PLLP: variants seen among roughly 807,000 people sequenced by gnomAD.
PLLP encodes plasma membrane proteolipid (plasmolipin).
PLLP carries 15 observed loss-of-function variants against 19.7 expected under a neutral mutation model. The observed-to-expected ratio is 0.76, with a 90% CI of 0.51 to 1.17. PLLP has a LOEUF of 1.17. Ranked by LOEUF, PLLP falls within the 50% of genes most tolerant of loss-of-function variation. PLLP has a pLI of 0.00. For missense variants in PLLP, 255 were observed against 258.3 expected, an observed-to-expected ratio of 0.99 and a Z score of 0.09; for synonymous variants, 111 against 116.3, an observed-to-expected ratio of 0.95 and a Z score of 0.29.
intron 1 of PLLP, among the ~76,000 whole-genome samples, chr16:57,270,855 A>C (rs1324398558): frequency 6.6e-6 from 1 of 152,220 alleles, no homozygotes; most frequent in African/African-American, 2.4e-5. Flanking sequence ...AGTACTGAAT[A>C]GCCCTAAGCT....
At position 57,279,618 on chromosome 16, in the gene PLLP, T is replaced by A. The variant is rs564484566; in HGVS notation, c.135+4788A>T. Reference sequence around the variant, plus strand: ...TGAGCCTGGGAGGTTGAGGTTGCAGTGAGCTGTGATCACACTACTATAGTC... The same window carrying A: ...TGAGCCTGGGAGGTTGAGGTTGCAGAGAGCTGTGATCACACTACTATAGTC... On this transcript the variant is annotated intron_variant, in intron 1 of 3. Transcript: ENST00000219207. Among the ~76,000 whole-genome samples, 4 of 151,300 alleles carry A rather than the reference T, an allele frequency of 2.6e-5. No individual in the cohort carries two copies. The South Asian group carries it at 6.3e-4, about 24-fold the overall frequency.
At chr16:57,282,834 C>T (rs1901235605) in intron 1 of PLLP, among the ~76,000 whole-genome samples, 1 of 152,176 alleles carries the variant, frequency 6.6e-6, no homozygotes, top group African/African-American at 2.4e-5. Flanking sequence ...TCAGTGAAGT[C>T]TCTGCTCAAA....
intron 3 of PLLP, 34 bp from the exon 4 acceptor site, chr16:57,257,063 G>A (rs1359062990): frequency 5.5e-6 from 8 of 1,460,870 alleles, no homozygotes; most frequent in Middle Eastern, 3.5e-4. Context: ...TAAGGACCGA[G>A]AGGGTGACAG....
At chr16:57,259,691 T>G (rs1484862358) in intron 2 of PLLP, among the ~76,000 whole-genome samples, 2 of 152,192 alleles carry the variant, frequency 1.3e-5, no homozygotes, top group African/African-American at 2.4e-5. Flanking sequence ...TAAAAAAATC[T>G]TGGCCGGGTG....
Position 57,257,060 on chromosome 16 carries a change from C to T in PLLP, c.433-31G>A, listed in dbSNP as rs11860306. ...AGAGAGGTGAGAAGGGCTTAAGGAC[C>T]GAGAGGGTGACAGTGACACAAGCTC... On this transcript the variant is annotated intron_variant, in intron 3 of 3. Transcript: ENST00000219207. 4,107 of 1,489,462 alleles carry T rather than the reference C, an allele frequency of 2.8e-3. 89 individuals are homozygous for T. In the African/African-American group the frequency reaches 0.036, roughly 13 times the overall value. 92.3% of individuals were successfully genotyped at this position (1,489,462 alleles called of 1,614,324 possible). A position where few individuals can be genotyped will look rare whatever the true frequency, so the allele number is the denominator to read the frequency against.
chr16:57,284,645 T>G lies in PLLP; in HGVS notation c.-105A>C, dbSNP rs1212305982. The G allele has an allele frequency of 8.8e-7, 1 of 1,133,536 alleles. No individual in the cohort carries two copies. Among genetic ancestry groups the G allele is most frequent in the Non-Finnish European group, 1.1e-6 (1 of 889,418 alleles). The allele number at this position is 1,133,536 out of a possible 1,614,324, so 70.2% of individuals were successfully genotyped here. A position where few individuals can be genotyped will look rare whatever the true frequency, so the allele number is the denominator to read the frequency against. On this transcript the variant is annotated 5_prime_UTR_variant, in exon 1 of 4. Transcript: ENST00000219207. The stretch of plus-strand genomic sequence containing the variant: ...TTTTCCCCCAGGCTCCGGATCCCTG[T>G]GTGGCTCCAGGCGCTGCAGGAGGCG...
chr16:57,283,746 G>A (rs1901246864), intron 1 of PLLP, among the ~76,000 whole-genome samples: 2 of 152,312 alleles, frequency 1.3e-5, no homozygotes, highest in South Asian at 4.2e-4. Flanking sequence ...CGATATCTCG[G>A]TCCCGTGGGG....
At chr16:57,262,716 C>CAT (rs1360317832) in intron 1 of PLLP, among the ~76,000 whole-genome samples, 2 of 152,094 alleles carry the variant, frequency 1.3e-5, no homozygotes, top group Non-Finnish European at 2.9e-5. Flanking sequence ...ACCTCAGAGA[C>CAT]AGAGTGAAAT....
In PLLP at chr16:57,284,463, C is replaced by T. The variant is rs954621727; in HGVS notation, c.78G>A (p.Leu26=). ...AGCGCACGAAGCCCAGGTCCGGGCG[C>T]AGCGCCGACACCGAGGCTTCGGCGC... ...AQGAEASVSA[L]RPDLGFVRSR... Residue 26 remains leucine, a synonymous_variant, in exon 1 of 4, where the codon CTG becomes CTA. Transcript: ENST00000219207. The T allele has an allele frequency of 7.0e-7, 1 of 1,419,906 alleles. No individual in the cohort carries two copies. The highest frequency in any genetic ancestry group is 1.5e-5 in the South Asian group (1 of 68,860). 88.0% of individuals were successfully genotyped at this position (1,419,906 alleles called of 1,614,324 possible).
intron 1 of PLLP, among the ~76,000 whole-genome samples, chr16:57,284,197 G>A (rs1701728598): frequency 6.6e-6 from 1 of 152,162 alleles, no homozygotes; most frequent in South Asian, 2.1e-4. Flanking sequence ...CGGCCACGGG[G>A]TAGTGTCGTG....
chr16:57,281,512 T>TA (rs1901218200), intron 1 of PLLP, among the ~76,000 whole-genome samples: 1 of 136,746 alleles, frequency 7.3e-6, no homozygotes, highest in East Asian at 2.2e-4. Context: ...ATTTTTTTTT[T>TA]ATTTCTTTTT....
chr16:57,258,806 A>G (rs1300641740), intron 2 of PLLP, among the ~76,000 whole-genome samples: 1 of 150,942 alleles, frequency 6.6e-6, no homozygotes, highest in Non-Finnish European at 1.5e-5. Flanking sequence ...CTGTGATCTC[A>G]GCTACTTGGG....
Position 57,271,969 on chromosome 16 carries a change from C to T in PLLP, c.136-9899G>A, listed in dbSNP as rs540987849. 1.8e-4 allele frequency among the ~76,000 whole-genome samples: 28 copies of T among 152,232 alleles called. No homozygotes were observed. The South Asian group carries it at 5.8e-3, about 32-fold the overall frequency. ...CCCACAAAGCCTACCCAAGCCTCCC[C>T]AGCACCCAGGCCCCTCCAACCACAC... On this transcript the variant is annotated intron_variant, in intron 1 of 3. Transcript: ENST00000219207.
rs111398317 is a variant in PLLP at position 57,265,326 on chromosome 16, T to A, written c.136-3256A>T. Among the ~76,000 whole-genome samples the A allele has an allele frequency of 4.3e-3, 652 of 152,356 alleles. 9 individuals are homozygous for A. Among genetic ancestry groups the A allele is most frequent in the African/African-American group, 0.015 (615 of 41,586 alleles). ...CCCAGAGCTGGGGGGAGGCCAGTGT[T>A]CTGAAGGAGAACAAACACTTCGGGC... On this transcript the variant is annotated intron_variant, in intron 1 of 3. Coordinates refer to ENST00000219207, the MANE Select transcript of PLLP (RefSeq NM_015993.3).
At position 57,256,351 on chromosome 16, in the gene PLLP, G is replaced by A. The variant is rs2075425346; in HGVS notation, c.*562C>T. 1 of 296,058 alleles carries A rather than the reference G, an allele frequency of 3.4e-6. No individual in the cohort carries two copies. The highest frequency in any genetic ancestry group is 6.1e-6 in the Non-Finnish European group (1 of 162,930). The allele number at this position is 296,058 out of a possible 1,614,324, so 18.3% of individuals were successfully genotyped here. A position where few individuals can be genotyped will look rare whatever the true frequency, so the allele number is the denominator to read the frequency against. ...AAAACTGATTTGCTTTCAGTAACTG[G>A]TATGTCTGAAATGCAGGGAGGGAAG... On this transcript the variant is annotated 3_prime_UTR_variant, in exon 4 of 4. Transcript: ENST00000219207.
intron 1 of PLLP, among the ~76,000 whole-genome samples, chr16:57,273,696 A>G (rs11642750): frequency 0.48 from 73,241 of 152,100 alleles, 17,959 homozygotes; most frequent in South Asian, 0.71. Context: ...TCAGGGTCCT[A>G]GTCCTCACCG....
At chr16:57,265,481 A>C (rs2075454326) in intron 1 of PLLP, among the ~76,000 whole-genome samples, 1 of 152,246 alleles carries the variant, frequency 6.6e-6, no homozygotes, top group Non-Finnish European at 1.5e-5. Context: ...TAACTAAAGG[A>C]AAGTCAGAAA....
chr16:57,257,015 C>T lies in PLLP; in HGVS notation c.447G>A (p.Leu149=). 2 of 1,612,804 alleles carry T rather than the reference C, an allele frequency of 1.2e-6. No individual in the cohort carries two copies. Among genetic ancestry groups the T allele is most frequent in the Non-Finnish European group, 1.7e-6 (2 of 1,178,840 alleles). Residue 149 remains leucine (L), a synonymous_variant, in exon 4 of 4, where the codon TTG becomes TTA. Transcript: ENST00000219207. ...CACTCACTCCATAGGCGATCATCAC[C>T]AAACACGCAAAGAACTGAAAGAGAG... The part of the protein sequence containing the change: ...QRAAASFFAC[L]VMIAYGVSAF...
At chr16:57,261,867 G>A in intron 2 of PLLP, 30 bp downstream of exon 2, 1 of 1,606,230 alleles carries the variant, frequency 6.2e-7, no homozygotes. Context: ...TCCTGTCATA[G>A]CCACTTCCAG....
Sources: gnomAD v4.1 joint callset for allele counts (sites outside exome capture counted in the v4.1 genomes callset) on GRCh38, gnomAD v4.1.1 for gene constraint, MANE v1.5 for transcripts, NCBI Gene and HGNC (gene_info 2026-07-23, HGNC 2026-07-21) for gene names.